ADAMTS6: variants seen among roughly 807,000 people sequenced by gnomAD.
ADAMTS6 encodes the protein ADAM metallopeptidase with thrombospondin type 1 motif 6.
In ADAMTS6, 23 loss-of-function variants were observed where a neutral mutation model predicts 144.3. The ratio of observed to expected loss-of-function variants is 0.16; its 90% CI spans 0.11 to 0.23. The LOEUF (loss-of-function observed/expected upper bound fraction) is 0.23. Among genes scored for constraint, ADAMTS6 ranks in the 10% least tolerant of loss-of-function variants. The pLI, the probability that ADAMTS6 is intolerant of heterozygous loss-of-function variation, is 1.00. For synonymous variants in ADAMTS6, 444 were observed against 457.5 expected, an observed-to-expected ratio of 0.97 and a Z score of 0.38; for missense variants, 999 against 1,379.6, an observed-to-expected ratio of 0.72 and a Z score of 4.37.
intron 7 of ADAMTS6, among the ~76,000 whole-genome samples, chr5:65,372,607 C>A (rs1163051281): frequency 6.6e-6 from 1 of 151,380 alleles, no homozygotes; most frequent in Non-Finnish European, 1.5e-5. Context: ...ATTCATAAAG[C>A]AAGTCCTGAG....
chr5:65,340,940 G>C (rs1360482817), intron 7 of ADAMTS6, among the ~76,000 whole-genome samples: 3 of 151,896 alleles, frequency 2.0e-5, no homozygotes, highest in South Asian at 2.1e-4. Context: ...CAGATACATA[G>C]AGCAAATATT....
chr5:65,163,750 A>C (rs1398981140), intron 24 of ADAMTS6, among the ~76,000 whole-genome samples: 4 of 152,172 alleles, frequency 2.6e-5, no homozygotes, highest in Non-Finnish European at 5.9e-5. Context: ...GGTGTTGTTC[A>C]TGTGCATATA....
intron 20 of ADAMTS6, among the ~76,000 whole-genome samples, chr5:65,201,018 T>C (rs189579713): frequency 3.2e-4 from 49 of 152,314 alleles, no homozygotes; most frequent in Admixed American, 1.7e-3. Flanking sequence ...TATTTTCCCA[T>C]CAAAGGTTCT....
chr5:65,443,449 C>T (rs1758022339), intron 7 of ADAMTS6, among the ~76,000 whole-genome samples: 1 of 151,492 alleles, frequency 6.6e-6, no homozygotes, highest in African/African-American at 2.4e-5. Flanking sequence ...AGTGAAACTC[C>T]ATCTCTACAA....
intron 7 of ADAMTS6, among the ~76,000 whole-genome samples, chr5:65,388,134 CAGGAGGCAG>C (rs1197786344): frequency 2.0e-5 from 3 of 152,096 alleles, no homozygotes; most frequent in African/African-American, 7.2e-5. Context: ...CGCTTGAACC[CAGGAGGCAG>C]AGTTGCGGTG....
chr5:65,323,875 T>C (rs1267957341), intron 9 of ADAMTS6, among the ~76,000 whole-genome samples: 1 of 152,238 alleles, frequency 6.6e-6, no homozygotes, highest in Non-Finnish European at 1.5e-5. Context: ...CCAGTGATGA[T>C]GAGCATTTTT....
chr5:65,346,605 A>G (rs1748340111), intron 7 of ADAMTS6, among the ~76,000 whole-genome samples: 1 of 151,884 alleles, frequency 6.6e-6, no homozygotes, highest in East Asian at 1.9e-4. Context: ...TCTAGTCAAC[A>G]TAGTACTGGA....
intron 20 of ADAMTS6, chr5:65,210,933 C>A: frequency 3.8e-6 from 1 of 260,446 alleles, no homozygotes. Flanking sequence ...CCAAAATGTC[C>A]CTTATAAAGA....
intron 4 of ADAMTS6, among the ~76,000 whole-genome samples, chr5:65,458,399 C>T (rs1392233337): frequency 6.6e-6 from 1 of 152,076 alleles, no homozygotes; most frequent in Admixed American, 6.5e-5. Flanking sequence ...TACACTAATT[C>T]ACAAGGCAAT....
chr5:65,476,643 T>A (rs930006221), intron 1 of ADAMTS6, among the ~76,000 whole-genome samples: 1 of 152,100 alleles, frequency 6.6e-6, no homozygotes, highest in Non-Finnish European at 1.5e-5. Flanking sequence ...AGTCTTGCTC[T>A]TGTCGCCCAT....
intron 9 of ADAMTS6, among the ~76,000 whole-genome samples, chr5:65,301,824 C>T (rs1194424851): frequency 1.3e-5 from 2 of 151,988 alleles, no homozygotes; most frequent in South Asian, 2.1e-4. Context: ...CCGGGTGGCT[C>T]ACACCTGTAA....
rs1439089064 is a variant in ADAMTS6, at chr5:65,151,311, T to C, written c.*525A>G. On this transcript the variant is annotated 3_prime_UTR_variant, in exon 25 of 25. Transcript: ENST00000381055. ...TGATTTATAATTGCTCCTTAAATTA[T>C]AGTTCAAAGCCCGTTTTATAATTTA... 2 of 152,814 alleles carry C rather than the reference T, an allele frequency of 1.3e-5. No homozygotes were observed. The highest frequency in any genetic ancestry group is 2.9e-5 in the Non-Finnish European group (2 of 68,146). 9.5% of individuals were successfully genotyped at this position (152,814 alleles called of 1,614,324 possible).
At chr5:65,437,634 C>A (rs964547658) in intron 7 of ADAMTS6, among the ~76,000 whole-genome samples, 1 of 152,148 alleles carries the variant, frequency 6.6e-6, no homozygotes, top group Non-Finnish European at 1.5e-5. Flanking sequence ...GACTCCTGCA[C>A]ATACTAAAAT....
At chr5:65,221,703 T>A (rs908344348) in intron 18 of ADAMTS6, among the ~76,000 whole-genome samples, 9 of 152,140 alleles carry the variant, frequency 5.9e-5, no homozygotes, top group Non-Finnish European at 1.3e-4. Context: ...GAAGTAAAAG[T>A]GCCTTTGTTC....
chr5:65,230,376 A>T (rs998661817), intron 15 of ADAMTS6, among the ~76,000 whole-genome samples: 1 of 125,576 alleles, frequency 8.0e-6, no homozygotes, highest in Non-Finnish European at 1.6e-5. Context: ...AATATATATA[A>T]TACATGATAT....
chr5:65,236,026 T>C (rs138422514), intron 15 of ADAMTS6, among the ~76,000 whole-genome samples: 135 of 152,270 alleles, frequency 8.9e-4, no homozygotes, highest in Admixed American at 3.2e-3. Flanking sequence ...CCCAAAGGTA[T>C]ATGCACCTAA....
chr5:65,407,776 C>T (rs1243067100), intron 7 of ADAMTS6, among the ~76,000 whole-genome samples: 1 of 152,028 alleles, frequency 6.6e-6, no homozygotes, highest in African/African-American at 2.4e-5. Flanking sequence ...ATAAATCATG[C>T]TGCTATAAAG....
At chr5:65,431,173 T>G (rs1424444516) in intron 7 of ADAMTS6, among the ~76,000 whole-genome samples, 1 of 152,144 alleles carries the variant, frequency 6.6e-6, no homozygotes, top group African/African-American at 2.4e-5. Context: ...TCCCTATTAC[T>G]TTTTCCAGTC....
chr5:65,206,810 CTGT>C (rs1032648004), intron 20 of ADAMTS6, among the ~76,000 whole-genome samples: 1 of 146,040 alleles, frequency 6.8e-6, no homozygotes, highest in Non-Finnish European at 1.5e-5. Flanking sequence ...TGTTTATATG[CTGT>C]TTTTTTTCTC....
Sources: allele counts gnomAD v4.1 joint callset (sites outside exome capture counted in the v4.1 genomes callset), GRCh38; gene constraint gnomAD v4.1.1; transcripts MANE v1.5; gene names NCBI Gene and HGNC (gene_info 2026-07-23, HGNC 2026-07-21).